Variants in NR2F1-AS1 observed in about 807,000 individuals in gnomAD.
The protein encoded by NR2F1-AS1 is NR2F1 antisense RNA 1.
intron 2 of NR2F1-AS1, among the ~76,000 whole-genome samples, chr5:93,561,465 AT>A (rs959811566): frequency 2.0e-5 from 3 of 151,218 alleles, no homozygotes; most frequent in African/African-American, 7.3e-5. Context: ...AAACATAGGT[AT>A]TTTTTTTTAA....
intron 4 of NR2F1-AS1, among the ~76,000 whole-genome samples, chr5:93,517,500 TTTTA>T (rs1453289314): frequency 2.6e-5 from 4 of 152,060 alleles, no homozygotes; most frequent in Admixed American, 6.6e-5. Context: ...TTTTTGTTAG[TTTTA>T]TTTGTTTGTT....
At chr5:93,502,230 C>G (rs1751095466) in intron 4 of NR2F1-AS1, among the ~76,000 whole-genome samples, 1 of 152,088 alleles carries the variant, frequency 6.6e-6, no homozygotes, top group Non-Finnish European at 1.5e-5. Context: ...TTTAATATTA[C>G]AGTGGTCTGG....
intron 4 of NR2F1-AS1, chr5:93,409,763 C>G (rs2149838154): frequency 6.6e-6 from 1 of 152,300 alleles, no homozygotes; most frequent in South Asian, 2.1e-4. Context: ...TGAGAATTCA[C>G]ATCACATTAT....
chr5:93,447,547 A>T (rs1179300321), intron 4 of NR2F1-AS1, among the ~76,000 whole-genome samples: 1 of 152,224 alleles, frequency 6.6e-6, no homozygotes, highest in Admixed American at 6.5e-5. Flanking sequence ...TTAAAAAGTC[A>T]GGAAACAACA....
chr5:93,425,017 C>T (rs1749165748), intron 4 of NR2F1-AS1, among the ~76,000 whole-genome samples: 1 of 152,190 alleles, frequency 6.6e-6, no homozygotes, highest in Admixed American at 6.6e-5. Context: ...CCTACATTTC[C>T]TGTACGCTAC....
chr5:93,487,418 T>C (rs1750747489), intron 4 of NR2F1-AS1, among the ~76,000 whole-genome samples: 1 of 152,136 alleles, frequency 6.6e-6, no homozygotes, highest in South Asian at 2.1e-4. Flanking sequence ...ACAAAATCAA[T>C]GTGCAAAAAT....
chr5:93,414,216 G>C lies in NR2F1-AS1; in HGVS notation n.639-18674C>G, dbSNP rs548019249. Among the ~76,000 whole-genome samples the C allele has an allele frequency of 2.6e-5, 4 of 152,286 alleles. No homozygotes were observed. The South Asian group carries it at 8.3e-4, about 32-fold the overall frequency. ...CTATGATCTTTCATCACTTGGACAA[G>C]TCTGTGGTGAAAACTCCACTTTGAA... On this transcript the variant is annotated intron_variant and non_coding_transcript_variant, in intron 4 of 5. Coordinates refer to ENST00000660523, the Ensembl canonical transcript of NR2F1-AS1.
chr5:93,497,492 T>A (rs1214026521), intron 4 of NR2F1-AS1, among the ~76,000 whole-genome samples: 1 of 152,206 alleles, frequency 6.6e-6, no homozygotes, highest in Non-Finnish European at 1.5e-5. Context: ...GGTCCTACTT[T>A]GGTAAATTCA....
intron 4 of NR2F1-AS1, among the ~76,000 whole-genome samples, chr5:93,454,461 A>G (rs1749903570): frequency 6.6e-6 from 1 of 152,164 alleles, no homozygotes. Flanking sequence ...AACTCCTAAA[A>G]CCTTTGCAGC....
At chr5:93,514,525 T>A (rs1263356321) in intron 4 of NR2F1-AS1, among the ~76,000 whole-genome samples, 1 of 152,104 alleles carries the variant, frequency 6.6e-6, no homozygotes, top group Non-Finnish European at 1.5e-5. Flanking sequence ...CCTGCAAATC[T>A]AGGAGAAAGA....
chr5:93,481,445 G>C (rs1750597257), intron 4 of NR2F1-AS1, among the ~76,000 whole-genome samples: 1 of 152,064 alleles, frequency 6.6e-6, no homozygotes, highest in Non-Finnish European at 1.5e-5. Context: ...ATAATAATTG[G>C]AAACTCTAGA....
At chr5:93,488,232 T>G (rs1750767092) in intron 4 of NR2F1-AS1, among the ~76,000 whole-genome samples, 1 of 152,190 alleles carries the variant, frequency 6.6e-6, no homozygotes, top group African/African-American at 2.4e-5. Context: ...AAGCCAAATT[T>G]GACAAATGGA....
intron 4 of NR2F1-AS1, among the ~76,000 whole-genome samples, chr5:93,448,846 A>T (rs1437317236): frequency 6.6e-6 from 1 of 152,130 alleles, no homozygotes; most frequent in Non-Finnish European, 1.5e-5. Flanking sequence ...CTACCAATTC[A>T]AATGCTCATC....
intron 4 of NR2F1-AS1, chr5:93,541,993 AAT>A (rs1751960920): frequency 6.6e-6 from 1 of 151,688 alleles, no homozygotes; most frequent in African/African-American, 2.4e-5. Flanking sequence ...CTCAGGTTCC[AAT>A]ATGGCAAAGT....
chr5:93,444,177 T>C (rs1217861589), intron 4 of NR2F1-AS1, among the ~76,000 whole-genome samples: 1 of 152,134 alleles, frequency 6.6e-6, no homozygotes, highest in African/African-American at 2.4e-5. Context: ...ATCATAATGA[T>C]GGGATCAAAT....
At chr5:93,510,150 A>G (rs1424155785) in intron 4 of NR2F1-AS1, among the ~76,000 whole-genome samples, 2 of 152,118 alleles carry the variant, frequency 1.3e-5, no homozygotes. Context: ...AAATACTGAA[A>G]ATAGCACTGG....
At chr5:93,468,763 G>T (rs1206096421) in intron 4 of NR2F1-AS1, among the ~76,000 whole-genome samples, 2 of 152,088 alleles carry the variant, frequency 1.3e-5, no homozygotes, top group African/African-American at 4.8e-5. Flanking sequence ...TTTCTTCTAG[G>T]GTTTTTATGG....
intron 4 of NR2F1-AS1, among the ~76,000 whole-genome samples, chr5:93,489,269 C>T (rs1321084444): frequency 6.6e-6 from 1 of 151,692 alleles, no homozygotes; most frequent in Non-Finnish European, 1.5e-5. Flanking sequence ...TTACCACAGC[C>T]ACCCTAAACC....
intron 4 of NR2F1-AS1, among the ~76,000 whole-genome samples, chr5:93,494,899 G>C (rs1197216435): frequency 6.6e-6 from 1 of 152,188 alleles, no homozygotes; most frequent in African/African-American, 2.4e-5. Context: ...GTGTGTGTGT[G>C]TAAGTGTGTC....
Sources: allele counts gnomAD v4.1 joint callset (sites outside exome capture counted in the v4.1 genomes callset), GRCh38; gene constraint gnomAD v4.1.1; transcripts MANE v1.5; gene names NCBI Gene and HGNC (gene_info 2026-07-23, HGNC 2026-07-21).